ATAD2B: variants seen among roughly 807,000 people sequenced by gnomAD.
ATAD2B encodes the protein ATPase family AAA domain-containing protein 2B.
ATAD2B carries 40 observed loss-of-function variants against 167.6 expected under a neutral mutation model. That is an observed-to-expected ratio of 0.24 (90% CI 0.19 to 0.31). The LOEUF (loss-of-function observed/expected upper bound fraction) is 0.31. Among genes scored for constraint, ATAD2B ranks in the 10% least tolerant of loss-of-function variants. ATAD2B has a pLI of 1.00. For synonymous variants in ATAD2B, 579 were observed against 596.5 expected (o/e 0.97, Z 0.43); for missense variants, 1,242 against 1,757.2 (o/e 0.71, Z 5.24).
chr2:23,827,115 T>C (rs552139577), intron 15 of ATAD2B, among the ~76,000 whole-genome samples: 18 of 152,184 alleles, frequency 1.2e-4, no homozygotes, highest in African/African-American at 3.9e-4. Flanking sequence ...GTTTCTCAGA[T>C]GGAATGAATG....
At chr2:23,679,481 C>T in the ATAD2B span, among the ~76,000 whole-genome samples, 1 of 152,106 alleles carries the variant, frequency 6.6e-6, no homozygotes, top group Non-Finnish European at 1.5e-5. Flanking sequence ...CACATTTTCA[C>T]AGGGTCACTT....
chr2:23,860,239 A>C (rs1352434328), intron 12 of ATAD2B, among the ~76,000 whole-genome samples: 1 of 152,244 alleles, frequency 6.6e-6, no homozygotes, highest in Non-Finnish European at 1.5e-5. Flanking sequence ...ACTATGAGTC[A>C]GTAAATTTCT....
the ATAD2B span, among the ~76,000 whole-genome samples, chr2:23,701,793 CTTTTTTTT>C: frequency 1.1e-3 from 25 of 22,538 alleles, no homozygotes; most frequent in African/African-American, 2.7e-3. Context: ...CTTTTTTTTG[CTTTTTTTT>C]TTTTTTTTTT....
intron 1 of ATAD2B, among the ~76,000 whole-genome samples, chr2:23,918,202 C>CA (rs35163952): frequency 0.49 from 46,820 of 96,090 alleles, 11,159 homozygotes; most frequent in East Asian, 0.73. Flanking sequence ...CTTGTCTCTA[C>CA]AAAAAAAAAA....
chr2:23,703,044 GC>G, the ATAD2B span: 1 of 516,692 alleles, frequency 1.9e-6, no homozygotes, highest in Non-Finnish European at 3.2e-6. Flanking sequence ...TCATCGCAGT[GC>G]CCCCCACTGC....
At chr2:23,819,213 C>T (rs2149615233) in intron 17 of ATAD2B, among the ~76,000 whole-genome samples, 1 of 152,188 alleles carries the variant, frequency 6.6e-6, no homozygotes, top group African/African-American at 2.4e-5. Flanking sequence ...AAAAAGTAAA[C>T]TTAGCCAGGT....
chr2:23,723,192 C>T, the ATAD2B span, among the ~76,000 whole-genome samples: 1 of 152,144 alleles, frequency 6.6e-6, no homozygotes, highest in East Asian at 1.9e-4. Context: ...ACCCAGAGGG[C>T]TGACATGTGA....
At chr2:23,875,939 T>C (rs1293975767) in intron 7 of ATAD2B, 35 bp from the exon 8 acceptor site, 2 of 1,393,262 alleles carry the variant, frequency 1.4e-6, no homozygotes, top group Non-Finnish European at 2.0e-6. Flanking sequence ...GAGAAATAAC[T>C]AATAAATTGA....
In ATAD2B at chr2:23,895,832, T is replaced by C; in HGVS notation, c.355A>G (p.Thr119Ala). Residue 119 changes from threonine (T) to alanine (A), a missense_variant, in exon 2 of 28, where the codon ACT becomes GCT. Transcript: ENST00000238789. ...TGQREEWNLS[T>A]GQARLTSQPG... ...CTCCTTTCTCACCTGGCCTGTCCAG[T>C]TGATAAGTTCCATTCCTCTCGCTGA... 6 of 1,609,960 alleles carry C rather than the reference T, an allele frequency of 3.7e-6. No individual in the cohort carries two copies. Among genetic ancestry groups the C allele is most frequent in the African/African-American group, 2.7e-5 (2 of 74,824 alleles).
At chr2:23,723,871 A>G in the ATAD2B span, among the ~76,000 whole-genome samples, 1 of 152,346 alleles carries the variant, frequency 6.6e-6, no homozygotes, top group African/African-American at 2.4e-5. Context: ...TACAGAATCA[A>G]CCCAAGTGTC....
At chr2:23,833,840 T>C (rs978625185) in intron 14 of ATAD2B, 79 bp downstream of exon 14, 3 of 1,130,752 alleles carry the variant, frequency 2.7e-6, no homozygotes, top group Admixed American at 3.1e-5. Context: ...TGAAAATTCA[T>C]AAAATATCAC....
chr2:23,734,303 C>A, the ATAD2B span, among the ~76,000 whole-genome samples: 45 of 152,218 alleles, frequency 3.0e-4, no homozygotes, highest in African/African-American at 1.1e-3. Context: ...ACTACAGGCA[C>A]GTGTCACCAC....
At chr2:23,913,686 T>C (rs1339978544) in intron 1 of ATAD2B, among the ~76,000 whole-genome samples, 2 of 151,474 alleles carry the variant, frequency 1.3e-5, no homozygotes, top group East Asian at 1.9e-4. Context: ...AGTAACTCTA[T>C]AATCTCAATT....
intron 20 of ATAD2B, chr2:23,788,259 A>G: frequency 2.4e-6 from 1 of 411,886 alleles, no homozygotes; most frequent in South Asian, 5.4e-5. Flanking sequence ...GAGCCCCATA[A>G]TGTGACATCT....
At chr2:23,861,149 CTTT>C (rs34830213) in intron 12 of ATAD2B, among the ~76,000 whole-genome samples, 1 of 136,356 alleles carries the variant, frequency 7.3e-6, no homozygotes. Flanking sequence ...TGTTTTTTTC[CTTT>C]TTTTTTTTTT....
At position 23,926,753 on chromosome 2, in the gene ATAD2B, C is replaced by T; in HGVS notation, c.18G>A (p.Lys6=). 6.5e-7 allele frequency: 1 copy of T among 1,545,238 alleles called. No individual in the cohort carries two copies. Among genetic ancestry groups the T allele is most frequent in the Non-Finnish European group, 8.7e-7 (1 of 1,144,850 alleles). ...TGGACCCGAGAAGGCGGAGAGAGCT[C>T]TTCCGGGTGTTCACCATGGTCCAGC... MVNTR[K]SSLRLLGSKS... Residue 6 remains lysine (K), a synonymous_variant, in exon 1 of 28, where the codon AAG becomes AAA. Transcript: ENST00000238789.
At chr2:23,698,497 TG>T in the ATAD2B span, among the ~76,000 whole-genome samples, 1 of 152,320 alleles carries the variant, frequency 6.6e-6, no homozygotes, top group East Asian at 1.9e-4. Context: ...GAGGGGGCTT[TG>T]TTCCCCAGGA....
chr2:23,878,025 A>AAAAAAAAAAAAAAAAAAAAAAAAAAAAG (rs1558714074), intron 7 of ATAD2B, among the ~76,000 whole-genome samples: 12 of 106,956 alleles, frequency 1.1e-4, no homozygotes, highest in East Asian at 3.8e-4. Flanking sequence ...AAAAAAAAAA[A>AAAAAAAAAAAAAAAAAAAAAAAAAAAAG]AAAAAAAAAA....
intron 14 of ATAD2B, among the ~76,000 whole-genome samples, chr2:23,833,485 T>C (rs907444238): frequency 1.3e-5 from 2 of 152,222 alleles, no homozygotes; most frequent in African/African-American, 4.8e-5. Context: ...CTTTATACCA[T>C]AATGAATAAA....
Sources: gnomAD v4.1 joint callset for allele counts (sites outside exome capture counted in the v4.1 genomes callset) on GRCh38, gnomAD v4.1.1 for gene constraint, MANE v1.5 for transcripts, NCBI Gene and HGNC (gene_info 2026-07-23, HGNC 2026-07-21) for gene names.